SLC39A11: variants seen among roughly 807,000 people sequenced by gnomAD.
The protein encoded by SLC39A11 is solute carrier family 39 member 11, also known as zinc transporter ZIP11.
In SLC39A11, 33 loss-of-function variants were observed where a neutral mutation model predicts 36.1. The observed-to-expected ratio is 0.91, with a 90% CI of 0.69 to 1.22. The LOEUF is 1.22. Ranked by LOEUF, SLC39A11 falls within the 50% of genes most tolerant of loss-of-function variation. The pLI, the probability that SLC39A11 is intolerant of heterozygous loss-of-function variation, is 0.00. For synonymous variants in SLC39A11, 166 were observed against 170.3 expected, an observed-to-expected ratio of 0.97 and a Z score of 0.20; for missense variants, 432 against 430.3, an observed-to-expected ratio of 1.00 and a Z score of -0.03.
chr17:73,037,051 T>C (rs2058944289), intron 3 of SLC39A11, among the ~76,000 whole-genome samples: 1 of 152,202 alleles, frequency 6.6e-6, no homozygotes, highest in Admixed American at 6.5e-5. Flanking sequence ...TGTCTTCTCA[T>C]GACTTGATAA....
chr17:72,786,046 C>T (rs2076502402), intron 6 of SLC39A11, among the ~76,000 whole-genome samples: 2 of 152,164 alleles, frequency 1.3e-5, no homozygotes, highest in African/African-American at 4.8e-5. Flanking sequence ...TCACAATGGG[C>T]CAAATTATCA....
chr17:72,997,246 C>T (rs913925471), intron 4 of SLC39A11, among the ~76,000 whole-genome samples: 1 of 152,136 alleles, frequency 6.6e-6, no homozygotes, highest in Non-Finnish European at 1.5e-5. Context: ...GTCTCTTTAA[C>T]GTACAGAGTA....
chr17:72,815,861 C>T (rs1370700771), intron 6 of SLC39A11, among the ~76,000 whole-genome samples: 1 of 152,162 alleles, frequency 6.6e-6, no homozygotes, highest in Non-Finnish European at 1.5e-5. Flanking sequence ...GTGGAGGCTG[C>T]AGTGAGCCGA....
chr17:72,719,734 G>T (rs1241784921), intron 7 of SLC39A11, among the ~76,000 whole-genome samples: 1 of 152,212 alleles, frequency 6.6e-6, no homozygotes, highest in Non-Finnish European at 1.5e-5. Context: ...TCTGCTCCAG[G>T]CTAACAGAGT....
intron 5 of SLC39A11, among the ~76,000 whole-genome samples, chr17:72,866,421 G>A (rs918747797): frequency 2.0e-5 from 3 of 152,138 alleles, no homozygotes; most frequent in Admixed American, 1.3e-4. Flanking sequence ...TAGAAATAAA[G>A]TACACAATAA....
At chr17:72,692,319 G>A (rs184728607) in intron 7 of SLC39A11, among the ~76,000 whole-genome samples, 17 of 152,236 alleles carry the variant, frequency 1.1e-4, no homozygotes, top group East Asian at 3.9e-4. Context: ...CCAAAATAGC[G>A]CATTTTTATT....
chr17:72,729,680 A>G (rs72843242), intron 7 of SLC39A11, among the ~76,000 whole-genome samples: 28,036 of 149,898 alleles, frequency 0.19, 2,818 homozygotes, highest in Non-Finnish European at 0.23. Context: ...AGCCCTGAAA[A>G]AACCTTGGCA....
intron 6 of SLC39A11, among the ~76,000 whole-genome samples, chr17:72,849,031 A>G (rs1332499290): frequency 6.6e-6 from 1 of 152,252 alleles, no homozygotes; most frequent in Non-Finnish European, 1.5e-5. Context: ...TATGTATTAT[A>G]AACTGTATTC....
chr17:72,664,729 C>A (rs2070650628), intron 7 of SLC39A11, among the ~76,000 whole-genome samples: 1 of 152,262 alleles, frequency 6.6e-6, no homozygotes, highest in Admixed American at 6.5e-5. Flanking sequence ...CCAGGGCCCA[C>A]ATCCCCTGCT....
At chr17:72,691,394 TA>T (rs149454598) in intron 7 of SLC39A11, among the ~76,000 whole-genome samples, 2,790 of 149,166 alleles carry the variant, frequency 0.019, 45 homozygotes, top group Non-Finnish European at 0.028. Flanking sequence ...TTCATGTATA[TA>T]AAAAAAAAAT....
At chr17:72,974,773 G>C (rs769495539) in intron 4 of SLC39A11, among the ~76,000 whole-genome samples, 6 of 152,156 alleles carry the variant, frequency 3.9e-5, no homozygotes, top group Non-Finnish European at 8.8e-5. Context: ...GACTCACCCA[G>C]AGCAACTTCC....
chr17:72,997,478 C>T (rs2089588493), intron 4 of SLC39A11, among the ~76,000 whole-genome samples: 1 of 152,122 alleles, frequency 6.6e-6, no homozygotes, highest in South Asian at 2.1e-4. Context: ...GTCTTGAACT[C>T]CTGACCTCAA....
intron 3 of SLC39A11, among the ~76,000 whole-genome samples, chr17:73,079,236 T>C (rs970521816): frequency 6.6e-6 from 1 of 152,100 alleles, no homozygotes; most frequent in Non-Finnish European, 1.5e-5. Context: ...TAGCTGGGAT[T>C]AGAGGCATGT....
intron 3 of SLC39A11, among the ~76,000 whole-genome samples, chr17:73,082,387 T>C (rs1405462834): frequency 6.6e-6 from 1 of 152,140 alleles, no homozygotes; most frequent in African/African-American, 2.4e-5. Flanking sequence ...TCTTGTTTTT[T>C]CAATTCATTC....
intron 4 of SLC39A11, among the ~76,000 whole-genome samples, chr17:72,990,878 G>A (rs1185064264): frequency 2.6e-5 from 4 of 152,204 alleles, no homozygotes; most frequent in Non-Finnish European, 5.9e-5. Context: ...GTTATACAAA[G>A]TACGGAAGAA....
intron 4 of SLC39A11, among the ~76,000 whole-genome samples, chr17:73,008,154 G>GTT (rs888229456): frequency 3.0e-4 from 29 of 96,532 alleles, no homozygotes; most frequent in South Asian, 1.3e-3. Context: ...GGGGTTTGTT[G>GTT]TTTTTTTTTT....
chr17:72,729,523 C>T (rs1435332503), intron 7 of SLC39A11, among the ~76,000 whole-genome samples: 2 of 129,628 alleles, frequency 1.5e-5, no homozygotes, highest in African/African-American at 5.6e-5. Context: ...GTCTTGAACT[C>T]CTGGGCTCAA....
chr17:72,944,552 C>T lies in SLC39A11; in HGVS notation c.430+3200G>A, dbSNP rs149398973. 2.5e-3 allele frequency among the ~76,000 whole-genome samples: 388 copies of T among 152,276 alleles called. 1 individual carries two copies. Among genetic ancestry groups the T allele is most frequent in the Non-Finnish European group, 4.6e-3 (313 of 68,024 alleles). On this transcript the variant is annotated intron_variant, in intron 5 of 9. Coordinates refer to ENST00000255559, the MANE Select transcript of SLC39A11 (RefSeq NM_139177.4). Reference sequence around the variant, plus strand: ...TTTCAAACACACACACACACATACACACACACACAGACTTTGCATAAAATG... The same window carrying T: ...TTTCAAACACACACACACACATACATACACACACAGACTTTGCATAAAATG...
At chr17:72,785,519 A>C (rs1042364650) in intron 6 of SLC39A11, among the ~76,000 whole-genome samples, 3 of 152,220 alleles carry the variant, frequency 2.0e-5, no homozygotes, top group Non-Finnish European at 4.4e-5. Flanking sequence ...GAGAGGGCTG[A>C]AAGATGGTTC....
Sources: gnomAD v4.1 joint callset for allele counts (sites outside exome capture counted in the v4.1 genomes callset) on GRCh38, gnomAD v4.1.1 for gene constraint, MANE v1.5 for transcripts, NCBI Gene and HGNC (gene_info 2026-07-23, HGNC 2026-07-21) for gene names.